The following PER2 variants were observed in gnomAD, a reference collection of about 807,000 sequenced individuals.
The protein encoded by PER2 is period circadian protein homolog 2.
PER2 carries 66 observed loss-of-function variants against 121.0 expected under a neutral mutation model. The ratio of observed to expected loss-of-function variants is 0.55; its 90% CI spans 0.45 to 0.67. The LOEUF (loss-of-function observed/expected upper bound fraction) is 0.67. PER2 is among the 30% of genes least tolerant of loss of function. PER2 has a pLI of 0.00. For missense variants in PER2, 1,521 were observed against 1,635.0 expected (o/e 0.93, Z 1.20); for synonymous variants, 684 against 659.9 (o/e 1.04, Z -0.56).
intron 18 of PER2, 183 bp downstream of exon 18, chr2:238,255,474 G>A: frequency 1.4e-6 from 1 of 690,668 alleles, no homozygotes; most frequent in East Asian, 2.6e-5. Flanking sequence ...GACATCCCGA[G>A]AGCACCCCCC....
In PER2 at chr2:238,250,871, C is replaced by G. The variant is rs1042562342; in HGVS notation, c.3275-128G>C. 77 of 692,168 alleles carry G rather than the reference C, an allele frequency of 1.1e-4. No individual in the cohort carries two copies. The African/African-American group carries it at 1.3e-3, about 11-fold the overall frequency. 42.9% of individuals were successfully genotyped at this position (692,168 alleles called of 1,614,324 possible). On this transcript the variant is annotated intron_variant, in intron 20 of 22. Coordinates refer to ENST00000254657, the MANE Select transcript of PER2 (RefSeq NM_022817.3). ...CCTTCTTAGGTATTGGGTATCTATG[C>G]CGGTGCATGTTCCCCTTCTCTCCCA...
chr2:238,283,284 T>A (rs1454400450), intron 1 of PER2, among the ~76,000 whole-genome samples: 1 of 152,260 alleles, frequency 6.6e-6, no homozygotes, highest in African/African-American at 2.4e-5. Context: ...CAGCTGGATG[T>A]CTCTGTAAGG....
intron 1 of PER2, among the ~76,000 whole-genome samples, chr2:238,285,320 G>T (rs1480150184): frequency 1.3e-5 from 2 of 152,196 alleles, no homozygotes; most frequent in Non-Finnish European, 1.5e-5. Context: ...AGAGAGCCTG[G>T]GATCAGGAGG....
chr2:238,253,605 G>C lies in PER2; in HGVS notation c.2418C>G (p.Asp806Glu). Residue 806 changes from aspartate to glutamate, a missense_variant, in exon 19 of 23, where the codon GAC becomes GAG. Transcript: ENST00000254657. The surrounding 1 kb of genome is among the most constrained non-coding windows in gnomAD (Gnocchi z 5.6). ...KLKSKRVKPR[D>E]SSESTGSGGP... ...CCCCAGATCCGGTGCTCTCAGATGA[G>C]TCTCGAGGTTTGACCCGCTTGGACT... is the stretch of plus-strand genomic sequence containing the variant. 6.2e-7 allele frequency: 1 copy of C among 1,610,236 alleles called. No individual in the cohort carries two copies. The highest frequency in any genetic ancestry group is 2.2e-5 in the East Asian group (1 of 44,828).
chr2:238,287,966 T>C (rs76554193), intron 1 of PER2, among the ~76,000 whole-genome samples: 5,626 of 152,188 alleles, frequency 0.037, 168 homozygotes, highest in Non-Finnish European at 0.058. Context: ...GGAAAGGGAA[T>C]TAATACAGGG....
rs953447369 is a variant in PER2 at position 238,252,664 on chromosome 2, G to A, written c.3111+248C>T. On this transcript the variant is annotated intron_variant, in intron 19 of 22. Transcript: ENST00000254657. This position sits in a 1 kb window ranked among gnomAD's most constrained non-coding sequence, Gnocchi z 4.2. ...ACTGTCAAGTCACATGCTGCTTTCT[G>A]GAGTCTGTATCACAATCTCTCCTCC... 1.3e-5 allele frequency among the ~76,000 whole-genome samples: 2 copies of A among 152,206 alleles called. No homozygotes were observed. The highest frequency in any genetic ancestry group is 4.8e-5 in the African/African-American group (2 of 41,438).
rs769498592 is a variant in PER2, at chr2:238,268,249, C to G, written c.825-51G>C. On this transcript the variant is annotated intron_variant, in intron 7 of 22. Coordinates refer to ENST00000254657, the MANE Select transcript of PER2 (RefSeq NM_022817.3). This position sits in a 1 kb window ranked among gnomAD's most constrained non-coding sequence, Gnocchi z 4.0. ...TTGGGAACTGTGACACAGGAACAGTCCCCTGTTCTGTTCCCTCCTCACCTG... is the reference window on the plus strand; with the variant it reads ...TTGGGAACTGTGACACAGGAACAGTGCCCTGTTCTGTTCCCTCCTCACCTG... The G allele has an allele frequency of 2.8e-5, 45 of 1,583,284 alleles. 1 individual carries two copies. In the South Asian group the frequency reaches 5.0e-4, roughly 18 times the overall value.
In PER2 at chr2:238,253,198, G is replaced by A. The variant is rs756085686; in HGVS notation, c.2825C>T (p.Ala942Val). 1 of 1,594,612 alleles carries A rather than the reference G, an allele frequency of 6.3e-7. No individual in the cohort carries two copies. Among genetic ancestry groups the A allele is most frequent in the Non-Finnish European group, 8.6e-7 (1 of 1,167,616 alleles). The change falls in exon 19 of 23, where the codon GCC becomes GTC. Residue 942 changes from alanine (A) to valine (V), a missense_variant. Ala to Val is a moderately conservative substitution (Grantham distance 64). Coordinates refer to ENST00000254657, the MANE Select transcript of PER2 (RefSeq NM_022817.3). This position sits in a 1 kb window ranked among gnomAD's most constrained non-coding sequence, Gnocchi z 5.6. The part of the protein sequence containing the change: ...PSHPTLTSEM[A>V]SASQPEFPSR... ...GGGGAACTCAGGCTGTGAGGCAGAG[G>A]CCATCTCGGATGTGAGTGTGGGGTG...
chr2:238,249,939 A>G (rs895740129), intron 21 of PER2, among the ~76,000 whole-genome samples: 1 of 152,192 alleles, frequency 6.6e-6, no homozygotes, highest in Non-Finnish European at 1.5e-5. Flanking sequence ...TTTCCTTTAT[A>G]AATTACCCAA....
chr2:238,267,093 G>A lies in PER2; in HGVS notation c.967+963C>T, dbSNP rs1401906822. On this transcript the variant is annotated intron_variant, in intron 8 of 22. Transcript: ENST00000254657. ...AAAAGCTGTCATTCACCACAGAGAAGGTGGTGAACACAGCACAGCAGACTC... is the reference window on the plus strand; with the variant it reads ...AAAAGCTGTCATTCACCACAGAGAAAGTGGTGAACACAGCACAGCAGACTC... 2.0e-5 allele frequency among the ~76,000 whole-genome samples: 3 copies of A among 151,166 alleles called. 1 individual carries two copies. Among genetic ancestry groups the A allele is most frequent in the African/African-American group, 7.3e-5 (3 of 40,934 alleles).
At chr2:238,266,246 A>G (rs957213633) in intron 8 of PER2, among the ~76,000 whole-genome samples, 2 of 151,478 alleles carry the variant, frequency 1.3e-5, no homozygotes, top group Non-Finnish European at 2.9e-5. Context: ...GATCTGACAC[A>G]TTATTTTTAG....
At chr2:238,272,635 G>A (rs1275372590) in intron 5 of PER2, among the ~76,000 whole-genome samples, 1 of 152,264 alleles carries the variant, frequency 6.6e-6, no homozygotes, top group Admixed American at 6.5e-5. Flanking sequence ...TGTGGCCCAT[G>A]TGCCCTCCAA....
intron 14 of PER2, 37 bp downstream of exon 14, chr2:238,259,932 G>A (rs1250494783): frequency 4.1e-6 from 4 of 986,864 alleles, no homozygotes; most frequent in Non-Finnish European, 4.8e-6. Context: ...CCATACTCTA[G>A]TTTCAGTAAG....
chr2:238,280,131 C>G (rs1046875406), intron 1 of PER2, among the ~76,000 whole-genome samples: 4 of 152,206 alleles, frequency 2.6e-5, no homozygotes, highest in African/African-American at 7.2e-5. Flanking sequence ...TAAGAAAGGG[C>G]TAGAAACCAG....
At chr2:238,260,329 T>C (rs978418374) in intron 13 of PER2, among the ~76,000 whole-genome samples, 6 of 151,934 alleles carry the variant, frequency 3.9e-5, no homozygotes, top group Non-Finnish European at 8.8e-5. Flanking sequence ...CAATCTTGTC[T>C]CTCTGCAACC....
intron 1 of PER2, among the ~76,000 whole-genome samples, chr2:238,278,640 G>A (rs1200740606): frequency 6.6e-6 from 1 of 152,172 alleles, no homozygotes; most frequent in Non-Finnish European, 1.5e-5. Context: ...GTGGGGTGGG[G>A]GAGCCGGGTT....
chr2:238,282,747 T>C (rs1462694945), intron 1 of PER2, among the ~76,000 whole-genome samples: 1 of 151,564 alleles, frequency 6.6e-6, no homozygotes, highest in African/African-American at 2.4e-5. Context: ...GGAGCTTACA[T>C]TAGGGGGAAA....
intron 8 of PER2, among the ~76,000 whole-genome samples, chr2:238,266,680 C>T (rs890806061): frequency 3.3e-5 from 5 of 152,156 alleles, no homozygotes; most frequent in Admixed American, 6.5e-5. Flanking sequence ...CTGTAATACA[C>T]GCAGGAACAC....
At position 238,277,834 on chromosome 2, in the gene PER2, T is replaced by C. The variant is rs746409221; in HGVS notation, c.103A>G (p.Ser35Gly). The change falls in exon 2 of 23, where the codon AGC becomes GGC. Residue 35 changes from serine to glycine, a missense_variant. Physicochemically the swap from Ser to Gly is moderately conservative, Grantham distance 56. Transcript: ENST00000254657. Reference sequence around the variant, plus strand: ...GTCTCATGTCCACTGGAGCCACTGCTCATGTCCACATCTTCCTGCAGTGGG... The same window carrying C: ...GTCTCATGTCCACTGGAGCCACTGCCCATGTCCACATCTTCCTGCAGTGGG... ...QVPLQEDVDM[S>G]SGSSGHETNE... The C allele has an allele frequency of 3.7e-6, 6 of 1,614,084 alleles. No individual in the cohort carries two copies. The highest frequency in any genetic ancestry group is 1.1e-5 in the South Asian group (1 of 91,088).
Sources: gnomAD v4.1 joint callset for allele counts (sites outside exome capture counted in the v4.1 genomes callset) on GRCh38, gnomAD v4.1.1 for gene constraint, Gnocchi (gnomAD v3.1) non-coding constraint, MANE v1.5 for transcripts, NCBI Gene and HGNC (gene_info 2026-07-23, HGNC 2026-07-21) for gene names.